KYAT1: variants seen among roughly 807,000 people sequenced by gnomAD.
KYAT1 encodes kynurenine--oxoglutarate transaminase 1.
KYAT1 carries 47 observed loss-of-function variants against 52.4 expected under a neutral mutation model. The ratio of observed to expected loss-of-function variants is 0.90; its 90% CI spans 0.71 to 1.14. KYAT1 has a LOEUF of 1.14. Ranked by LOEUF, KYAT1 falls within the 50% of genes most tolerant of loss-of-function variation. KYAT1 has a pLI of 0.00. For missense variants in KYAT1, 480 were observed against 557.9 expected, an observed-to-expected ratio of 0.86 and a Z score of 1.41; for synonymous variants, 212 against 209.6, an observed-to-expected ratio of 1.01 and a Z score of -0.10.
chr9:128,843,752 C>T (rs1832624084), intron 2 of KYAT1, among the ~76,000 whole-genome samples: 1 of 152,292 alleles, frequency 6.6e-6, no homozygotes, highest in African/African-American at 2.4e-5. Flanking sequence ...CTTCTTGGTG[C>T]AATCTACTGC....
intron 1 of KYAT1, among the ~76,000 whole-genome samples, chr9:128,869,253 C>G (rs1836877127): frequency 6.6e-6 from 1 of 151,534 alleles, no homozygotes; most frequent in Admixed American, 6.6e-5. Context: ...GCTCTGCCTC[C>G]CGGGTTCACA....
chr9:128,833,737 T>C lies in KYAT1; in HGVS notation c.1209+3A>G. ...TCTTTCCTCCCCCAGCCCTGCCCTT[T>C]ACCTTCACAAAACAGAAGCGGATAT... On this transcript the variant is annotated splice_donor_region_variant and intron_variant, in intron 12 of 12. Transcript: ENST00000302586. 1 of 1,614,142 alleles carries C rather than the reference T, an allele frequency of 6.2e-7. No homozygotes were observed. Among genetic ancestry groups the C allele is most frequent in the Non-Finnish European group, 8.5e-7 (1 of 1,179,972 alleles).
At chr9:128,877,716 C>T (rs1402381118) in intron 1 of KYAT1, among the ~76,000 whole-genome samples, 5 of 152,180 alleles carry the variant, frequency 3.3e-5, no homozygotes, top group Non-Finnish European at 7.3e-5. Context: ...TCAATTATGA[C>T]ATTCGGTTTT....
intron 1 of KYAT1, among the ~76,000 whole-genome samples, chr9:128,877,659 G>A (rs1035297032): frequency 2.0e-5 from 3 of 152,194 alleles, no homozygotes; most frequent in African/African-American, 4.8e-5. Flanking sequence ...AAGGGCAGGC[G>A]AGGTGACCAT....
At chr9:128,878,756 A>C (rs1353779414) in intron 1 of KYAT1, among the ~76,000 whole-genome samples, 2 of 152,174 alleles carry the variant, frequency 1.3e-5, no homozygotes, top group Admixed American at 6.6e-5. Flanking sequence ...TGAGTGACAC[A>C]AACAGTAGGT....
At chr9:128,844,780 T>C (rs756768554) in intron 2 of KYAT1, among the ~76,000 whole-genome samples, 2 of 151,388 alleles carry the variant, frequency 1.3e-5, no homozygotes, top group East Asian at 1.9e-4. Flanking sequence ...AGGAGAATCA[T>C]TTGAACCCAG....
chr9:128,838,493 G>T, intron 3 of KYAT1, 126 bp from the exon 4 acceptor site: 1 of 985,810 alleles, frequency 1.0e-6, no homozygotes, highest in Non-Finnish European at 1.5e-6. Flanking sequence ...CTGGTAGCCT[G>T]GGCCCCAGGG....
intron 1 of KYAT1, among the ~76,000 whole-genome samples, chr9:128,858,135 G>C (rs898206376): frequency 6.6e-6 from 1 of 151,942 alleles, no homozygotes; most frequent in Non-Finnish European, 1.5e-5. Context: ...GGTGGCTCAC[G>C]TCTGTAATCC....
chr9:128,862,995 T>G (rs1013150074), intron 1 of KYAT1, among the ~76,000 whole-genome samples: 6 of 152,044 alleles, frequency 3.9e-5, no homozygotes, highest in Non-Finnish European at 7.4e-5. Flanking sequence ...CGGCTAATTT[T>G]TTTGTGTGTC....
intron 1 of KYAT1, among the ~76,000 whole-genome samples, chr9:128,858,825 C>A (rs113366679): frequency 0.055 from 8,388 of 151,294 alleles, 272 homozygotes; most frequent in African/African-American, 0.096. Context: ...CTGGCCAACA[C>A]GGTGAAATCC....
intron 1 of KYAT1, among the ~76,000 whole-genome samples, chr9:128,857,686 A>T (rs1161750670): frequency 6.6e-6 from 1 of 152,194 alleles, no homozygotes; most frequent in Non-Finnish European, 1.5e-5. Flanking sequence ...AATACAAAAA[A>T]TTAGCTGGGC....
intron 1 of KYAT1, among the ~76,000 whole-genome samples, chr9:128,875,247 T>TG (rs1837815726): frequency 6.7e-6 from 1 of 148,428 alleles, no homozygotes; most frequent in East Asian, 1.9e-4. Flanking sequence ...TGTTTTTTTT[T>TG]GTTTTTTTTT....
chr9:128,872,128 C>CA (rs766267199), intron 1 of KYAT1, among the ~76,000 whole-genome samples: 5,512 of 56,976 alleles, frequency 0.097, 207 homozygotes, highest in African/African-American at 0.14. Context: ...AACTCTGTCT[C>CA]AAAAAAAAAA....
At chr9:128,876,409 C>CTTTTTTTTTTT (rs71383618) in intron 1 of KYAT1, among the ~76,000 whole-genome samples, 3 of 124,536 alleles carry the variant, frequency 2.4e-5, no homozygotes, top group South Asian at 2.6e-4. Flanking sequence ...ATCCTTTGTT[C>CTTTTTTTTTTT]TTTTTTTTTT....
intron 1 of KYAT1, among the ~76,000 whole-genome samples, chr9:128,861,527 T>C (rs764974292): frequency 2.0e-5 from 3 of 152,206 alleles, no homozygotes; most frequent in Non-Finnish European, 4.4e-5. Flanking sequence ...CAGTTCTTTA[T>C]AGCAGTGGGA....
chr9:128,845,333 C>A lies in KYAT1; in HGVS notation c.53+20G>T. 1 of 1,612,620 alleles carries A rather than the reference C, an allele frequency of 6.2e-7. No individual in the cohort carries two copies. The highest frequency in any genetic ancestry group is 8.5e-7 in the Non-Finnish European group (1 of 1,179,184). ...TGCCCGAGGGGACACCCACACACCT[C>A]CCCAGCCCAGCTGGCTCACCAGGGG... On this transcript the variant is annotated intron_variant, in intron 2 of 12. Transcript: ENST00000302586.
intron 1 of KYAT1, among the ~76,000 whole-genome samples, chr9:128,865,148 C>A (rs1357578269): frequency 6.9e-6 from 1 of 145,920 alleles, no homozygotes; most frequent in Non-Finnish European, 1.5e-5. Flanking sequence ...ATCACTTGAG[C>A]CTGGAGGTTG....
At chr9:128,859,673 G>A (rs1197477145) in intron 1 of KYAT1, among the ~76,000 whole-genome samples, 8 of 149,198 alleles carry the variant, frequency 5.4e-5, no homozygotes, top group African/African-American at 2.0e-4. Context: ...TTTTGAGACA[G>A]AATCTCGCTC....
At chr9:128,853,151 A>G (rs904203037) in intron 1 of KYAT1, among the ~76,000 whole-genome samples, 10 of 152,188 alleles carry the variant, frequency 6.6e-5, no homozygotes, top group African/African-American at 2.2e-4. Context: ...TTGTTCCTTT[A>G]AACAAGGAAC....
Sources: allele counts gnomAD v4.1 joint callset (sites outside exome capture counted in the v4.1 genomes callset), GRCh38; gene constraint gnomAD v4.1.1; transcripts MANE v1.5; gene names NCBI Gene and HGNC (gene_info 2026-07-23, HGNC 2026-07-21).